The following ARHGAP24 variants were observed in gnomAD, a reference collection of about 807,000 sequenced individuals.
ARHGAP24 encodes Rho GTPase activating protein 24.
In ARHGAP24, 50 loss-of-function variants were observed where a neutral mutation model predicts 76.4. The ratio of observed to expected loss-of-function variants is 0.65; its 90% CI spans 0.52 to 0.83. The LOEUF (loss-of-function observed/expected upper bound fraction) is 0.83. Ranked by LOEUF, ARHGAP24 falls within the 40% of genes least tolerant of loss-of-function variation. The probability of loss-of-function intolerance (pLI) is 0.00; values close to 1 mark genes in which losing one functional copy is unlikely to be tolerated. For synonymous variants in ARHGAP24, 345 were observed against 323.3 expected (o/e 1.07, Z -0.72); for missense variants, 930 against 914.2 (o/e 1.02, Z -0.22).
chr4:85,913,282 A>G (rs930657671), intron 3 of ARHGAP24, among the ~76,000 whole-genome samples: 3 of 151,166 alleles, frequency 2.0e-5, no homozygotes, highest in Admixed American at 6.7e-5. Context: ...TTGGATTGAA[A>G]CAGCTCCTGT....
At chr4:85,930,147 A>T (rs1473440342) in intron 4 of ARHGAP24, 2 of 747,660 alleles carry the variant, frequency 2.7e-6, no homozygotes, top group Non-Finnish European at 3.3e-6. Context: ...CCCAGTTCTC[A>T]TTGAGAAAAG....
intron 5 of ARHGAP24, among the ~76,000 whole-genome samples, chr4:85,964,008 C>T (rs1408254594): frequency 1.3e-5 from 2 of 151,770 alleles, no homozygotes; most frequent in African/African-American, 4.8e-5. Flanking sequence ...ATCAGGAAGA[C>T]CAGTTAATAT....
At chr4:85,879,020 G>A (rs2148766211) in intron 3 of ARHGAP24, among the ~76,000 whole-genome samples, 1 of 152,282 alleles carries the variant, frequency 6.6e-6, no homozygotes, top group South Asian at 2.1e-4. Flanking sequence ...CAATGACTGT[G>A]GAAATGTTAC....
intron 5 of ARHGAP24, among the ~76,000 whole-genome samples, chr4:85,951,349 T>G (rs185813454): frequency 3.5e-4 from 51 of 146,776 alleles, no homozygotes; most frequent in African/African-American, 1.2e-3. Flanking sequence ...CCCCTATGTG[T>G]TTTTTTTTTA....
At chr4:85,877,165 A>G (rs1732983420) in intron 3 of ARHGAP24, among the ~76,000 whole-genome samples, 1 of 152,098 alleles carries the variant, frequency 6.6e-6, no homozygotes, top group Non-Finnish European at 1.5e-5. Context: ...AAATGTTTTT[A>G]GTCTTTTGTA....
chr4:85,737,658 G>T (rs1454746844), intron 3 of ARHGAP24, among the ~76,000 whole-genome samples: 1 of 152,142 alleles, frequency 6.6e-6, no homozygotes. Context: ...TTGAACCCTG[G>T]AGCTGTTACA....
rs997736829 is a variant in ARHGAP24 at position 85,742,760 on chromosome 4, T to A, written c.268+20788T>A. Reference sequence around the variant, plus strand: ...TATTATGAATTGTTTTCAAGTTTTTTAAAATATCACTAGCTAGCCTGTACG... The same window carrying A: ...TATTATGAATTGTTTTCAAGTTTTTAAAAATATCACTAGCTAGCCTGTACG... On this transcript the variant is annotated intron_variant, in intron 3 of 9. Coordinates refer to ENST00000395184, the MANE Select transcript of ARHGAP24 (RefSeq NM_001025616.3). Among the ~76,000 whole-genome samples the A allele has an allele frequency of 2.0e-5, 3 of 152,238 alleles. No individual in the cohort carries two copies. The East Asian group carries it at 5.8e-4, about 29-fold the overall frequency.
intron 3 of ARHGAP24, among the ~76,000 whole-genome samples, chr4:85,905,644 G>A (rs1364935171): frequency 1.3e-5 from 2 of 152,144 alleles, no homozygotes; most frequent in East Asian, 1.9e-4. Context: ...TTCCCACTGA[G>A]CATCAGTCTT....
intron 3 of ARHGAP24, among the ~76,000 whole-genome samples, chr4:85,885,498 A>G (rs1733514327): frequency 6.6e-6 from 1 of 152,114 alleles, no homozygotes; most frequent in African/African-American, 2.4e-5. Flanking sequence ...AGGTATTTTT[A>G]GAATCTTCAA....
intron 3 of ARHGAP24, among the ~76,000 whole-genome samples, chr4:85,811,057 G>GA (rs984362131): frequency 5.9e-5 from 9 of 151,710 alleles, no homozygotes; most frequent in Non-Finnish European, 1.2e-4. Context: ...ATAGTTAACA[G>GA]AAAAAAAATG....
chr4:85,984,832 A>AT (rs1244184646), intron 8 of ARHGAP24, among the ~76,000 whole-genome samples: 1 of 151,970 alleles, frequency 6.6e-6, no homozygotes, highest in Non-Finnish European at 1.5e-5. Flanking sequence ...TTTACTACTA[A>AT]TTTTTTTCAA....
intron 5 of ARHGAP24, among the ~76,000 whole-genome samples, chr4:85,961,465 CAAGGATTTG>C (rs1738244121): frequency 6.6e-6 from 1 of 151,864 alleles, no homozygotes; most frequent in Non-Finnish European, 1.5e-5. Flanking sequence ...GCATGAAGCA[CAAGGATTTG>C]TTTACTTTAT....
chr4:85,502,531 G>A (rs1343481623), intron 1 of ARHGAP24, among the ~76,000 whole-genome samples: 1 of 151,976 alleles, frequency 6.6e-6, no homozygotes, highest in African/African-American at 2.4e-5. Context: ...GTCTGTTATT[G>A]GTGTATAGGA....
intron 3 of ARHGAP24, among the ~76,000 whole-genome samples, chr4:85,760,942 G>A (rs1431965336): frequency 6.6e-6 from 1 of 152,066 alleles, no homozygotes; most frequent in African/African-American, 2.4e-5. Flanking sequence ...TTAACTACCT[G>A]ACACTGCTGG....
chr4:85,588,495 G>T (rs1727955650), intron 2 of ARHGAP24, among the ~76,000 whole-genome samples: 1 of 152,056 alleles, frequency 6.6e-6, no homozygotes, highest in Non-Finnish European at 1.5e-5. Flanking sequence ...ATGTAAGGTC[G>T]CTATTAGCTC....
chr4:85,896,181 G>A (rs1734169470), intron 3 of ARHGAP24, among the ~76,000 whole-genome samples: 1 of 152,222 alleles, frequency 6.6e-6, no homozygotes, highest in Admixed American at 6.5e-5. Flanking sequence ...ATGAAAGGAT[G>A]CAGTTGCAAC....
At chr4:85,834,700 T>G (rs1730172459) in intron 3 of ARHGAP24, among the ~76,000 whole-genome samples, 1 of 152,164 alleles carries the variant, frequency 6.6e-6, no homozygotes, top group East Asian at 1.9e-4. Context: ...AAAAGACCAT[T>G]AATCTTAAAG....
chr4:85,761,203 C>A (rs943029955), intron 3 of ARHGAP24, among the ~76,000 whole-genome samples: 2 of 152,114 alleles, frequency 1.3e-5, no homozygotes, highest in African/African-American at 4.8e-5. Context: ...GGAGTTCTTC[C>A]TAATTTGATT....
chr4:85,933,282 T>TA (rs571522028), intron 4 of ARHGAP24, among the ~76,000 whole-genome samples: 35 of 151,390 alleles, frequency 2.3e-4, no homozygotes, highest in Non-Finnish European at 4.3e-4. Flanking sequence ...AATATATATA[T>TA]TTTTTTACTG....
Sources: gnomAD v4.1 joint callset for allele counts (sites outside exome capture counted in the v4.1 genomes callset) on GRCh38, gnomAD v4.1.1 for gene constraint, MANE v1.5 for transcripts, NCBI Gene and HGNC (gene_info 2026-07-23, HGNC 2026-07-21) for gene names.